KPNB1: variants seen among roughly 807,000 people sequenced by gnomAD.
KPNB1 encodes karyopherin subunit beta 1, also known as importin subunit beta-1.
Under a neutral mutation model 113.0 loss-of-function variants are expected in KPNB1, and 7 were observed. That is an observed-to-expected ratio of 0.06 (90% CI 0.04 to 0.12). The LOEUF (loss-of-function observed/expected upper bound fraction) is 0.12, where lower values mean the gene tolerates loss of function less well. Among genes scored for constraint, KPNB1 ranks in the 10% least tolerant of loss-of-function variants. The probability of loss-of-function intolerance (pLI) is 1.00; values close to 1 mark genes in which losing one functional copy is unlikely to be tolerated. For synonymous variants in KPNB1, 363 were observed against 378.6 expected (o/e 0.96, Z 0.48); for missense variants, 400 against 1,054.8 (o/e 0.38, Z 8.60).
At chr17:47,671,526 TATTTTATTA>T (rs966605147) in intron 12 of KPNB1, among the ~76,000 whole-genome samples, 6 of 128,668 alleles carry the variant, frequency 4.7e-5, no homozygotes, top group Non-Finnish European at 1.0e-4. Flanking sequence ...ATTTTTATTT[TATTTTATTA>T]ATTAATTAAT....
intron 2 of KPNB1, among the ~76,000 whole-genome samples, chr17:47,651,017 C>T (rs1411897228): frequency 4.6e-5 from 7 of 151,652 alleles, no homozygotes; most frequent in Admixed American, 2.6e-4. Flanking sequence ...CTCGGTTATT[C>T]CTCTCTTGGG....
At position 47,675,834 on chromosome 17, in the gene KPNB1, C is replaced by A. The variant is rs955541884; in HGVS notation, c.1913-575C>A. ...AGGCCATTTACCTGAGGACCACTCTCCTGAGGACTAGACCTATTTTTGGCA... is the reference window on the plus strand; with the variant it reads ...AGGCCATTTACCTGAGGACCACTCTACTGAGGACTAGACCTATTTTTGGCA... On this transcript the variant is annotated intron_variant, in intron 15 of 21. Coordinates refer to ENST00000290158, the MANE Select transcript of KPNB1 (RefSeq NM_002265.6). 2.6e-5 allele frequency among the ~76,000 whole-genome samples: 4 copies of A among 152,232 alleles called. No homozygotes were observed. In the East Asian group the frequency reaches 7.7e-4, roughly 29 times the overall value.
chr17:47,666,578 A>G (rs1466139387), intron 9 of KPNB1, among the ~76,000 whole-genome samples: 1 of 143,676 alleles, frequency 7.0e-6, no homozygotes, highest in East Asian at 2.0e-4. Context: ...TATATTTTAT[A>G]TGTACTACAT....
chr17:47,666,543 A>G (rs1567891421), intron 9 of KPNB1, among the ~76,000 whole-genome samples: 1 of 106,986 alleles, frequency 9.3e-6, no homozygotes, highest in African/African-American at 2.9e-5. Context: ...TATATATTAT[A>G]TATTATATAT....
At chr17:47,665,226 T>G (rs1480168495) in intron 9 of KPNB1, 68 bp downstream of exon 9, 3 of 1,263,284 alleles carry the variant, frequency 2.4e-6, no homozygotes, top group African/African-American at 1.5e-5. Flanking sequence ...GTGGAAACTT[T>G]CCATGGAAGG....
intron 16 of KPNB1, 88 bp downstream of exon 16, chr17:47,676,579 T>C: frequency 2.1e-6 from 2 of 960,354 alleles, no homozygotes; most frequent in Non-Finnish European, 3.3e-6. Flanking sequence ...ATAGCTTAAG[T>C]AGTTTTTCCT....
At chr17:47,650,529 T>A in intron 2 of KPNB1, 85 bp downstream of exon 2, 1 of 1,159,856 alleles carries the variant, frequency 8.6e-7, no homozygotes, top group Non-Finnish European at 1.2e-6. Flanking sequence ...GGCCCAGGCC[T>A]CGGGAACCTA....
intron 20 of KPNB1, 138 bp from the exon 21 acceptor site, chr17:47,680,370 C>CT: frequency 2.0e-6 from 2 of 976,530 alleles, no homozygotes; most frequent in South Asian, 3.2e-5. Context: ...ACAATTGCCT[C>CT]TGTCTAGTGA....
chr17:47,670,679 C>T (rs1362894454), intron 11 of KPNB1, 23 bp from the exon 12 acceptor site: 2 of 1,594,798 alleles, frequency 1.3e-6, no homozygotes, highest in Admixed American at 3.4e-5. Context: ...TCAGGATTAA[C>T]ATTGAACCTA....
intron 21 of KPNB1, among the ~76,000 whole-genome samples, chr17:47,681,225 A>G (rs2030764527): frequency 6.8e-6 from 1 of 147,828 alleles, no homozygotes; most frequent in South Asian, 2.2e-4. Flanking sequence ...ACATGCCACC[A>G]CACCCGACTA....
At position 47,680,009 on chromosome 17, in the gene KPNB1, C is replaced by T; in HGVS notation, c.2354-11C>T. The T allele has an allele frequency of 2.5e-6, 4 of 1,590,090 alleles. No homozygotes were observed. The South Asian group carries it at 4.4e-5, about 18-fold the overall frequency. ...ACCGCACCCGACCAATACCTTCTCT[C>T]TCTTTTATAGCGGATGTGATGCTGG... On this transcript the variant is annotated splice_polypyrimidine_tract_variant and intron_variant, in intron 19 of 21. Coordinates refer to ENST00000290158, the MANE Select transcript of KPNB1 (RefSeq NM_002265.6).
intron 17 of KPNB1, 151 bp from the exon 18 acceptor site, chr17:47,677,895 G>T: frequency 1.4e-6 from 1 of 704,936 alleles, no homozygotes. Flanking sequence ...CTTAGAGTTG[G>T]TGTGAGGTGC....
chr17:47,655,447 T>C (rs919612428), intron 3 of KPNB1, among the ~76,000 whole-genome samples: 1 of 152,240 alleles, frequency 6.6e-6, no homozygotes. Context: ...TTGGAAGTTA[T>C]ATAAAGATTA....
At position 47,676,498 on chromosome 17, in the gene KPNB1, T is replaced by G. The variant is rs996796208; in HGVS notation, c.1995+7T>G. ...AAATTATGCTGAATACCAGGTAGGA[T>G]GTGCTTTTCAAAATAGTATGTTCCC... On this transcript the variant is annotated splice_region_variant and intron_variant, in intron 16 of 21. Transcript: ENST00000290158. 20 of 1,601,370 alleles carry G rather than the reference T, an allele frequency of 1.2e-5. No individual in the cohort carries two copies. Among genetic ancestry groups the G allele is most frequent in the Non-Finnish European group, 1.6e-5 (19 of 1,168,390 alleles).
At chr17:47,680,766 T>A (rs2030747356) in intron 21 of KPNB1, 97 bp downstream of exon 21, 2 of 1,267,902 alleles carry the variant, frequency 1.6e-6, no homozygotes, top group South Asian at 3.0e-5. Context: ...CTTCTGGCAT[T>A]TTTTTTGTTT....
At chr17:47,673,397 CT>C in intron 13 of KPNB1, 92 bp from the exon 14 acceptor site, 1 of 1,133,642 alleles carries the variant, frequency 8.8e-7, no homozygotes, top group African/African-American at 1.5e-5. Flanking sequence ...CTGTTGTTTA[CT>C]TTCCTATGTT....
At chr17:47,663,388 G>T (rs1442792162) in intron 7 of KPNB1, among the ~76,000 whole-genome samples, 1 of 152,194 alleles carries the variant, frequency 6.6e-6, no homozygotes, top group Non-Finnish European at 1.5e-5. Flanking sequence ...TTGAGGTCAG[G>T]CCCGGTGGCT....
Position 47,652,944 on chromosome 17 carries a change from C to G in KPNB1, c.282+68C>G. ...AGAAATCGCTTTCTCAGATCTTTTG[C>G]TATTTGCATGGGATAGAGCTAACAG... On this transcript the variant is annotated intron_variant, in intron 3 of 21. Transcript: ENST00000290158. The G allele has an allele frequency of 3.2e-6, 4 of 1,245,510 alleles. No homozygotes were observed. In the South Asian group the frequency reaches 6.1e-5, roughly 19 times the overall value. 77.2% of individuals were successfully genotyped at this position (1,245,510 alleles called of 1,614,324 possible). A position where few individuals can be genotyped will look rare whatever the true frequency, so the allele number is the denominator to read the frequency against.
intron 9 of KPNB1, among the ~76,000 whole-genome samples, chr17:47,667,957 T>G (rs117788467): frequency 5.2e-4 from 79 of 152,342 alleles, no homozygotes; most frequent in Non-Finnish European, 9.6e-4. Flanking sequence ...GTAGTTGAAA[T>G]TTTTTCATTC....
Sources: gnomAD v4.1 joint callset for allele counts (sites outside exome capture counted in the v4.1 genomes callset) on GRCh38, gnomAD v4.1.1 for gene constraint, MANE v1.5 for transcripts, NCBI Gene and HGNC (gene_info 2026-07-23, HGNC 2026-07-21) for gene names.